Variants in LAMA2 observed in about 807,000 individuals in gnomAD.
The protein encoded by LAMA2 is laminin subunit alpha-2.
LAMA2 carries 269 observed loss-of-function variants against 364.8 expected under a neutral mutation model. The observed-to-expected ratio is 0.74, with a 90% CI of 0.67 to 0.82. The LOEUF (loss-of-function observed/expected upper bound fraction) is 0.82, where lower values mean the gene tolerates loss of function less well. Ranked by LOEUF, LAMA2 falls within the 40% of genes least tolerant of loss-of-function variation. The pLI is 0.00. For missense variants in LAMA2, 3,807 were observed against 3,873.2 expected, an observed-to-expected ratio of 0.98 and a Z score of 0.45; for synonymous variants, 1,379 against 1,370.6, an observed-to-expected ratio of 1.01 and a Z score of -0.14.
At chr6:129,209,207 C>G (rs1321031506) in intron 12 of LAMA2, among the ~76,000 whole-genome samples, 1 of 152,044 alleles carries the variant, frequency 6.6e-6, no homozygotes, top group African/African-American at 2.4e-5. Flanking sequence ...AGCAAAAATG[C>G]TTTATTTTGC....
chr6:129,377,261 C>T (rs1778424042), intron 34 of LAMA2, among the ~76,000 whole-genome samples: 1 of 151,758 alleles, frequency 6.6e-6, no homozygotes, highest in Admixed American at 6.6e-5. Flanking sequence ...TGAAACATTT[C>T]CAAAAGGATG....
intron 1 of LAMA2, among the ~76,000 whole-genome samples, chr6:128,919,063 C>G (rs1778528888): frequency 6.6e-6 from 1 of 152,194 alleles, no homozygotes; most frequent in African/African-American, 2.4e-5. Flanking sequence ...GACTTCAAAT[C>G]TGACTCATGA....
chr6:129,408,100 G>C (rs1780337082), intron 40 of LAMA2, among the ~76,000 whole-genome samples: 1 of 152,148 alleles, frequency 6.6e-6, no homozygotes, highest in Non-Finnish European at 1.5e-5. Context: ...ACATAATGTT[G>C]TGGGAACAGG....
chr6:129,304,330 C>A (rs1348136373), intron 22 of LAMA2, among the ~76,000 whole-genome samples: 1 of 152,130 alleles, frequency 6.6e-6, no homozygotes, highest in African/African-American at 2.4e-5. Flanking sequence ...AGTGGCAGAT[C>A]TTGGCTCACT....
chr6:129,144,908 G>A (rs969805662), intron 5 of LAMA2, among the ~76,000 whole-genome samples: 1 of 151,938 alleles, frequency 6.6e-6, no homozygotes, highest in Admixed American at 6.6e-5. Context: ...AACCCAGATT[G>A]CTATGAGTGA....
At chr6:129,170,605 G>C (rs1354835485) in intron 9 of LAMA2, among the ~76,000 whole-genome samples, 1 of 148,106 alleles carries the variant, frequency 6.8e-6, no homozygotes, top group South Asian at 2.2e-4. Context: ...TTTTGGAATA[G>C]GTGTGGTGTG....
intron 32 of LAMA2, among the ~76,000 whole-genome samples, chr6:129,361,605 A>T (rs1302763008): frequency 6.6e-6 from 1 of 152,012 alleles, no homozygotes; most frequent in Non-Finnish European, 1.5e-5. Flanking sequence ...CTAACCTGGG[A>T]TTGTTCTGAA....
intron 22 of LAMA2, among the ~76,000 whole-genome samples, chr6:129,307,242 T>C (rs1468522751): frequency 6.6e-6 from 1 of 152,220 alleles, no homozygotes; most frequent in Non-Finnish European, 1.5e-5. Context: ...ACTATGTCTC[T>C]TTACTCTGGC....
intron 5 of LAMA2, among the ~76,000 whole-genome samples, chr6:129,144,667 A>G (rs183034821): frequency 4.8e-4 from 73 of 152,134 alleles, no homozygotes; most frequent in African/African-American, 1.6e-3. Flanking sequence ...TTTGTGGGCC[A>G]TCAAATAATT....
chr6:129,011,278 G>T (rs919935202), intron 1 of LAMA2, among the ~76,000 whole-genome samples: 9 of 152,122 alleles, frequency 5.9e-5, no homozygotes, highest in African/African-American at 4.8e-5. Flanking sequence ...GTCCTTTCTA[G>T]AGAGTAACTG....
chr6:129,147,111 A>G, intron 6 of LAMA2, 63 bp downstream of exon 6: 1 of 1,048,100 alleles, frequency 9.5e-7, no homozygotes, highest in Non-Finnish European at 1.5e-6. Flanking sequence ...GTTTCATGAC[A>G]GTCTTTGCTG....
chr6:129,283,783 C>T (rs1788902768), intron 18 of LAMA2, among the ~76,000 whole-genome samples: 1 of 151,928 alleles, frequency 6.6e-6, no homozygotes, highest in Admixed American at 6.6e-5. Flanking sequence ...CACCCCTCTG[C>T]TTACTATGCT....
chr6:129,244,222 A>G (rs540576988), intron 12 of LAMA2, among the ~76,000 whole-genome samples: 3 of 152,244 alleles, frequency 2.0e-5, no homozygotes, highest in East Asian at 3.9e-4. Context: ...TCTAATAATT[A>G]TCGAGCTTTT....
At chr6:129,012,056 T>C (rs1292795112) in intron 1 of LAMA2, among the ~76,000 whole-genome samples, 2 of 152,208 alleles carry the variant, frequency 1.3e-5, no homozygotes, top group Non-Finnish European at 2.9e-5. Flanking sequence ...CCATTGTAAA[T>C]GCTCAGGATT....
chr6:129,437,786 T>C (rs1390120899), intron 41 of LAMA2, among the ~76,000 whole-genome samples: 1 of 152,064 alleles, frequency 6.6e-6, no homozygotes, highest in Non-Finnish European at 1.5e-5. Flanking sequence ...GTTTAATGCA[T>C]ACCTGAGTAA....
At chr6:128,981,511 G>A (rs893562495) in intron 1 of LAMA2, among the ~76,000 whole-genome samples, 46 of 150,050 alleles carry the variant, frequency 3.1e-4, no homozygotes, top group African/African-American at 1.1e-3. Flanking sequence ...GGGAGGCCAA[G>A]GCCAGCAGAT....
chr6:128,898,472 C>T lies in LAMA2; in HGVS notation c.112+15115C>T, dbSNP rs555676141. On this transcript the variant is annotated intron_variant, in intron 1 of 64. Transcript: ENST00000421865. ...AAGTTACTATTAACTTCTCTCTTTC[C>T]TTCACCTCCCAGATTGAAATAATCA... 2.6e-5 allele frequency among the ~76,000 whole-genome samples: 4 copies of T among 152,266 alleles called. No individual in the cohort carries two copies. In the South Asian group the frequency reaches 8.3e-4, roughly 32 times the overall value.
chr6:129,096,217 A>G (rs1485231249), intron 3 of LAMA2, among the ~76,000 whole-genome samples: 4 of 152,240 alleles, frequency 2.6e-5, no homozygotes, highest in Non-Finnish European at 5.9e-5. Context: ...AAAAATGCAT[A>G]AGTAGCAAAT....
At chr6:129,426,243 G>A (rs1007175859) in intron 40 of LAMA2, among the ~76,000 whole-genome samples, 1 of 152,078 alleles carries the variant, frequency 6.6e-6, no homozygotes, top group African/African-American at 2.4e-5. Context: ...CGGACAGATT[G>A]TCAGCTGTCA....
Sources: gnomAD v4.1 joint callset for allele counts (sites outside exome capture counted in the v4.1 genomes callset) on GRCh38, gnomAD v4.1.1 for gene constraint, MANE v1.5 for transcripts, NCBI Gene and HGNC (gene_info 2026-07-23, HGNC 2026-07-21) for gene names.